AP3D1: variants seen among roughly 807,000 people sequenced by gnomAD.
The protein encoded by AP3D1 is adaptor related protein complex 3 subunit delta 1.
Under a neutral mutation model 147.6 loss-of-function variants are expected in AP3D1, and 51 were observed. That is an observed-to-expected ratio of 0.35 (90% CI 0.28 to 0.44). AP3D1 has a LOEUF of 0.44. Among genes scored for constraint, AP3D1 ranks in the 20% least tolerant of loss-of-function variants. AP3D1 has a pLI of 1.00. For missense variants in AP3D1, 1,421 were observed against 1,624.2 expected (o/e 0.87, Z 2.15); for synonymous variants, 760 against 663.0 (o/e 1.15, Z -2.25).
chr19:2,129,558 C>G (rs1568296005), intron 6 of AP3D1, 101 bp from the exon 7 acceptor site: 9 of 1,405,556 alleles, frequency 6.4e-6, no homozygotes, highest in Non-Finnish European at 3.8e-6. Context: ...CCTGCAGCAG[C>G]TCCCACTGAA....
At chr19:2,108,324 G>A (rs557696378) in intron 31 of AP3D1, among the ~76,000 whole-genome samples, 23 of 152,336 alleles carry the variant, frequency 1.5e-4, no homozygotes, top group African/African-American at 4.1e-4. Flanking sequence ...GGCCCGGAGC[G>A]GAGGGAGCGA....
intron 4 of AP3D1, among the ~76,000 whole-genome samples, chr19:2,135,651 C>T (rs558719903): frequency 3.9e-4 from 59 of 151,980 alleles, no homozygotes; most frequent in African/African-American, 1.0e-3. Flanking sequence ...CACCTGCGTC[C>T]GAGGCCAGGC....
Position 2,102,166 on chromosome 19 carries a change from G to A in AP3D1, c.*7C>T, listed in dbSNP as rs770142224. On this transcript the variant is annotated 3_prime_UTR_variant, in exon 32 of 32. Transcript: ENST00000643116. ...CCGCGGGGTGGTGCGGGGCTCGCAG[G>A]CAGCTCTCAACACTTGGCCAGCGTC... The A allele has an allele frequency of 6.2e-7, 1 of 1,611,372 alleles. No homozygotes were observed. Among genetic ancestry groups the A allele is most frequent in the Non-Finnish European group, 8.5e-7 (1 of 1,178,170 alleles).
intron 8 of AP3D1, among the ~76,000 whole-genome samples, chr19:2,127,908 G>A (rs1300571102): frequency 6.6e-6 from 1 of 152,240 alleles, no homozygotes; most frequent in Non-Finnish European, 1.5e-5. Context: ...GTCACCTGCA[G>A]CGTAGGGCCG....
Position 2,101,877 on chromosome 19 carries a change from G to A in AP3D1, c.*296C>T, listed in dbSNP as rs1224113316. The A allele has an allele frequency of 1.3e-5, 5 of 385,518 alleles. No homozygotes were observed. In the Admixed American group the frequency reaches 1.8e-4, roughly 14 times the overall value. 23.9% of individuals were successfully genotyped at this position (385,518 alleles called of 1,614,324 possible). ...CAGGAGCCCCTGAAGCCACATTCAA[G>A]GACTCGGCCCCCAGCGCGGGGCAGG... On this transcript the variant is annotated 3_prime_UTR_variant, in exon 32 of 32. Coordinates refer to ENST00000643116, the MANE Select transcript of AP3D1 (RefSeq NM_001261826.3).
intron 1 of AP3D1, among the ~76,000 whole-genome samples, chr19:2,142,407 C>T (rs946560033): frequency 6.6e-6 from 1 of 152,292 alleles, no homozygotes; most frequent in Admixed American, 6.5e-5. Flanking sequence ...ACCTTGGCCT[C>T]CCACAGTGCT....
At chr19:2,131,472 C>T (rs1233774922) in intron 5 of AP3D1, among the ~76,000 whole-genome samples, 5 of 145,066 alleles carry the variant, frequency 3.4e-5, no homozygotes, top group Non-Finnish European at 6.1e-5. Context: ...CCATCGGCCA[C>T]GATCTAGACA....
rs2017935795 is a variant in AP3D1, at chr19:2,101,023, T to C, written c.*1150A>G. On this transcript the variant is annotated 3_prime_UTR_variant, in exon 32 of 32. Coordinates refer to ENST00000643116, the MANE Select transcript of AP3D1 (RefSeq NM_001261826.3). ...TGTTTTACAACTTTATTGGATCATC[T>C]TGACACAAAATCATGACAGCAGCGT... 6.6e-6 allele frequency: 1 copy of C among 152,462 alleles called. No homozygotes were observed. Among genetic ancestry groups the C allele is most frequent in the Admixed American group, 6.5e-5 (1 of 15,280 alleles). The allele number at this position is 152,462 out of a possible 1,614,324, so 9.4% of individuals were successfully genotyped here. A position where few individuals can be genotyped will look rare whatever the true frequency, so the allele number is the denominator to read the frequency against.
chr19:2,157,482 C>T (rs188343342), intron 1 of AP3D1, among the ~76,000 whole-genome samples: 133 of 150,556 alleles, frequency 8.8e-4, no homozygotes, highest in African/African-American at 3.1e-3. Context: ...ACATCTACCC[C>T]ACCTATCCAG....
chr19:2,110,861 G>A lies in AP3D1; in HGVS notation c.3021C>T (p.Ser1007=), dbSNP rs1568276702. ...CCAGCACGATGGCCACAGTGACCTG[G>A]CTGTCCTCCTGCAGACTGCCCCGGA... ...CDIRGSLQED[S]QVTVAIVLEN... Residue 1007 remains serine (S), a synonymous_variant, in exon 27 of 32, where the codon AGC becomes AGT. Coordinates refer to ENST00000643116, the MANE Select transcript of AP3D1 (RefSeq NM_001261826.3). 2 of 1,613,460 alleles carry A rather than the reference G, an allele frequency of 1.2e-6. No homozygotes were observed.
chr19:2,109,222 G>C lies in AP3D1; in HGVS notation c.3351-15C>G. The C allele has an allele frequency of 1.9e-6, 3 of 1,569,042 alleles. No individual in the cohort carries two copies. The highest frequency in any genetic ancestry group is 2.6e-6 in the Non-Finnish European group (3 of 1,160,634). On this transcript the variant is annotated splice_polypyrimidine_tract_variant and intron_variant, in intron 29 of 31. Coordinates refer to ENST00000643116, the MANE Select transcript of AP3D1 (RefSeq NM_001261826.3). ...CAAAGGCGTCACTGTGGGAGGGACAGGGAGGCTGACTGCGGTGGGGCCGGG... is the reference window on the plus strand; with the variant it reads ...CAAAGGCGTCACTGTGGGAGGGACACGGAGGCTGACTGCGGTGGGGCCGGG...
At chr19:2,128,346 C>T (rs1012922720) in intron 8 of AP3D1, among the ~76,000 whole-genome samples, 22 of 152,138 alleles carry the variant, frequency 1.4e-4, no homozygotes, top group African/African-American at 5.3e-4. Flanking sequence ...GGGAATGCCA[C>T]TACAGGCTTC....
chr19:2,102,786 A>T (rs992360422), intron 31 of AP3D1, among the ~76,000 whole-genome samples: 2 of 150,676 alleles, frequency 1.3e-5, no homozygotes, highest in Non-Finnish European at 3.0e-5. Flanking sequence ...TAAATAAAAT[A>T]AAAATAAAAA....
rs182901404 is a variant in AP3D1, at chr19:2,102,448, G to A, written c.3553-180C>T. ...GTCTCTACTAAAAATACAAAAAATGGCCGGGTGCGGTGGCTCACGCCTGTA... is the reference window on the plus strand; with the variant it reads ...GTCTCTACTAAAAATACAAAAAATGACCGGGTGCGGTGGCTCACGCCTGTA... On this transcript the variant is annotated intron_variant, in intron 31 of 31. Transcript: ENST00000643116. 1.6e-3 allele frequency among the ~76,000 whole-genome samples: 238 copies of A among 152,214 alleles called. 1 individual carries two copies. Among genetic ancestry groups the A allele is most frequent in the Middle Eastern group, 0.014 (4 of 294 alleles).
intron 24 of AP3D1, 179 bp from the exon 25 acceptor site, chr19:2,112,007 G>C (rs1238193475): frequency 1.5e-5 from 15 of 997,578 alleles, no homozygotes; most frequent in Non-Finnish European, 2.0e-5. Flanking sequence ...ACCAGGCCCA[G>C]CGGAGGCTGG....
intron 4 of AP3D1, among the ~76,000 whole-genome samples, chr19:2,136,508 G>A (rs1054423590): frequency 2.6e-5 from 4 of 152,134 alleles, no homozygotes; most frequent in Non-Finnish European, 4.4e-5. Flanking sequence ...TTCAGAGCTC[G>A]GGGCCAATAA....
intron 6 of AP3D1, among the ~76,000 whole-genome samples, chr19:2,129,846 A>C (rs1224987297): frequency 6.6e-6 from 1 of 152,130 alleles, no homozygotes; most frequent in Non-Finnish European, 1.5e-5. Flanking sequence ...CTCCAGGGAG[A>C]AGCTCGCCCA....
intron 27 of AP3D1, 34 bp from the exon 28 acceptor site, chr19:2,110,258 G>A (rs374413685): frequency 3.8e-6 from 6 of 1,573,942 alleles, no homozygotes; most frequent in Middle Eastern, 2.3e-4. Flanking sequence ...GGCCTGAGAC[G>A]CTGCGGGGGC....
Position 2,109,988 on chromosome 19 carries a change from G to A in AP3D1, c.3265-30C>T. The A allele has an allele frequency of 3.7e-6, 6 of 1,611,348 alleles. No individual in the cohort carries two copies. The South Asian group carries it at 6.6e-5, about 18-fold the overall frequency. On this transcript the variant is annotated intron_variant, in intron 28 of 31. Coordinates refer to ENST00000643116, the MANE Select transcript of AP3D1 (RefSeq NM_001261826.3). ...GGTGGAGTGAAGGTGGTGCAGTTGA[G>A]AGGGGAGTCGGGCCCAGCTCAGGGC...
Sources: gnomAD v4.1 joint callset for allele counts (sites outside exome capture counted in the v4.1 genomes callset) on GRCh38, gnomAD v4.1.1 for gene constraint, MANE v1.5 for transcripts, NCBI Gene and HGNC (gene_info 2026-07-23, HGNC 2026-07-21) for gene names.